MMRN2: variants seen among roughly 807,000 people sequenced by gnomAD.
MMRN2 encodes the protein multimerin-2.
A neutral mutation model predicts 68.8 loss-of-function variants in MMRN2; 53 were observed. That is an observed-to-expected ratio of 0.77 (90% CI 0.62 to 0.97). MMRN2 has a LOEUF of 0.97. Ranked by LOEUF, MMRN2 falls within the 50% of genes least tolerant of loss-of-function variation. The pLI, the probability that MMRN2 is intolerant of heterozygous loss-of-function variation, is 0.00. For synonymous variants in MMRN2, 564 were observed against 551.6 expected (o/e 1.02, Z -0.32); for missense variants, 1,266 against 1,259.5 (o/e 1.01, Z -0.08).
chr10:86,947,778 A>C (rs1844089398), intron 1 of MMRN2, among the ~76,000 whole-genome samples: 1 of 152,184 alleles, frequency 6.6e-6, no homozygotes, highest in African/African-American at 2.4e-5. Flanking sequence ...AAAGACCCAA[A>C]GCTGCTGACA....
chr10:86,947,358 G>C (rs561889557), intron 1 of MMRN2, among the ~76,000 whole-genome samples: 1 of 151,932 alleles, frequency 6.6e-6, no homozygotes, highest in Non-Finnish European at 1.5e-5. Context: ...AGGCAGGGGC[G>C]GGGGATTCGA....
chr10:86,956,028 G>T (rs540752545), intron 1 of MMRN2, among the ~76,000 whole-genome samples: 1 of 152,200 alleles, frequency 6.6e-6, no homozygotes, highest in African/African-American at 2.4e-5. Context: ...CCCGTCCACC[G>T]GGTCCTCTCA....
rs552328902 is a variant in MMRN2, at chr10:86,953,890, C to G, written c.164+3488G>C. On this transcript the variant is annotated intron_variant, in intron 1 of 6. Coordinates refer to ENST00000372027, the MANE Select transcript of MMRN2 (RefSeq NM_024756.3). ...TGGAAGTGGAAACTATGCCGCCCACCCTTCCTGCCCAGGAACTTTCTCCGC... is the reference window on the plus strand; with the variant it reads ...TGGAAGTGGAAACTATGCCGCCCACGCTTCCTGCCCAGGAACTTTCTCCGC... 1.3e-4 allele frequency: 20 copies of G among 152,444 alleles called. No homozygotes were observed. The South Asian group carries it at 4.1e-3, about 32-fold the overall frequency. 9.4% of individuals were successfully genotyped at this position (152,444 alleles called of 1,614,324 possible).
Position 86,945,285 on chromosome 10 carries a change from T to G in MMRN2, c.401-17A>C, listed in dbSNP as rs757841743. ...CCATGGAATCTGCAGAAGAAAGCAT[T>G]AGTTATTGACCCCAGTGGTCAGAGG... On this transcript the variant is annotated splice_polypyrimidine_tract_variant and intron_variant, in intron 3 of 6. Coordinates refer to ENST00000372027, the MANE Select transcript of MMRN2 (RefSeq NM_024756.3). The G allele has an allele frequency of 1.8e-5, 29 of 1,613,070 alleles. 1 individual carries two copies. The South Asian group carries it at 2.6e-4, about 15-fold the overall frequency.
intron 1 of MMRN2, among the ~76,000 whole-genome samples, chr10:86,953,064 G>C (rs562012553): frequency 1.3e-5 from 2 of 152,136 alleles, no homozygotes; most frequent in East Asian, 3.9e-4. Context: ...CCTTTTGCCC[G>C]ACCCCGCAGG....
chr10:86,945,840 TC>T, intron 1 of MMRN2, 151 bp from the exon 2 acceptor site: 1 of 1,460,322 alleles, frequency 6.8e-7, no homozygotes, highest in Non-Finnish European at 9.0e-7. Flanking sequence ...GCATTATTCA[TC>T]CCTGGGCTCC....
intron 4 of MMRN2, 40 bp downstream of exon 4, chr10:86,945,148 C>T (rs1844046530): frequency 6.3e-7 from 1 of 1,584,850 alleles, no homozygotes; most frequent in Non-Finnish European, 8.7e-7. Flanking sequence ...ACATGGGCCC[C>T]ACCAGCCTGC....
In MMRN2 at chr10:86,942,468, C is replaced by T; in HGVS notation, c.2316G>A (p.Lys772=). 1 of 1,614,144 alleles carries T rather than the reference C, an allele frequency of 6.2e-7. No homozygotes were observed. Among genetic ancestry groups the T allele is most frequent in the Non-Finnish European group, 8.5e-7 (1 of 1,180,030 alleles). Residue 772 remains lysine (K), a synonymous_variant, in exon 6 of 7, where the codon AAG becomes AAA. Coordinates refer to ENST00000372027, the MANE Select transcript of MMRN2 (RefSeq NM_024756.3). ...MEANVSLDLG[K]LQTMLSRKGK... The stretch of plus-strand genomic sequence containing the variant: ...CTTTCCTGCTCAGCATGGTCTGCAG[C>T]TTCCCCAGGTCCAGGCTGACGTTGG...
At chr10:86,956,664 CT>C (rs1455672886) in intron 1 of MMRN2, among the ~76,000 whole-genome samples, 1 of 152,198 alleles carries the variant, frequency 6.6e-6, no homozygotes, top group African/African-American at 2.4e-5. Flanking sequence ...GTAAGTGGGG[CT>C]GTTGGAGGGA....
intron 1 of MMRN2, among the ~76,000 whole-genome samples, chr10:86,956,389 G>A (rs10887682): frequency 0.47 from 71,130 of 152,078 alleles, 16,781 homozygotes; most frequent in South Asian, 0.49. Flanking sequence ...AGGCAGGTCC[G>A]CTCTGCGATG....
chr10:86,957,556 A>G lies in MMRN2; in HGVS notation c.-15T>C. The G allele has an allele frequency of 1.9e-6, 3 of 1,600,508 alleles. No individual in the cohort carries two copies. Among genetic ancestry groups the G allele is most frequent in the Non-Finnish European group, 2.6e-6 (3 of 1,173,890 alleles). On this transcript the variant is annotated 5_prime_UTR_variant, in exon 1 of 7. Coordinates refer to ENST00000372027, the MANE Select transcript of MMRN2 (RefSeq NM_024756.3). ...CTCAGGATCATCTTGGTGGTGGGGC[A>G]GGCTCAGCTCACACTCAGCCTTGGC... is the stretch of plus-strand genomic sequence containing the variant.
intron 4 of MMRN2, 86 bp downstream of exon 4, chr10:86,945,102 G>A: frequency 2.6e-6 from 3 of 1,168,480 alleles, no homozygotes; most frequent in South Asian, 2.6e-5. Flanking sequence ...CCCTGAAATG[G>A]CACTGCTGTA....
chr10:86,955,468 T>C (rs983941067), intron 1 of MMRN2, among the ~76,000 whole-genome samples: 1 of 152,184 alleles, frequency 6.6e-6, no homozygotes, highest in Admixed American at 6.5e-5. Context: ...AAGGGTCTTA[T>C]TGGGGCCTGC....
chr10:86,944,556 G>T, intron 4 of MMRN2, 121 bp from the exon 5 acceptor site: 1 of 1,127,188 alleles, frequency 8.9e-7, no homozygotes, highest in Non-Finnish European at 1.3e-6. Context: ...TGTCCTCTGA[G>T]CAGGAGCTTA....
In MMRN2 at chr10:86,943,574, T is replaced by C. The variant is rs2133679182; in HGVS notation, c.1210A>G (p.Thr404Ala). 6.2e-7 allele frequency: 1 copy of C among 1,614,136 alleles called. No homozygotes were observed. Among genetic ancestry groups the C allele is most frequent in the Non-Finnish European group, 8.5e-7 (1 of 1,180,038 alleles). ...LQYTLEDMRA[T>A]LTRHVDEIKE... Reference sequence around the variant, plus strand: ...ATCTCATCCACGTGCCGGGTCAGGGTGGCCCTCATGTCCTCCAGGGTGTAC... The same window carrying C: ...ATCTCATCCACGTGCCGGGTCAGGGCGGCCCTCATGTCCTCCAGGGTGTAC... The change falls in exon 6 of 7, where the codon ACC (threonine) becomes GCC (alanine). Residue 404 changes from threonine (T) to alanine (A), a missense_variant. Transcript: ENST00000372027. The surrounding 1 kb of genome is among the most constrained non-coding windows in gnomAD (Gnocchi z 4.2).
At chr10:86,956,661 G>A (rs1194486912) in intron 1 of MMRN2, among the ~76,000 whole-genome samples, 1 of 152,218 alleles carries the variant, frequency 6.6e-6, no homozygotes, top group Non-Finnish European at 1.5e-5. Flanking sequence ...TCTGTAAGTG[G>A]GGCTGTTGGA....
intron 6 of MMRN2, among the ~76,000 whole-genome samples, chr10:86,941,003 G>A (rs1001156048): frequency 4.6e-5 from 7 of 152,206 alleles, no homozygotes; most frequent in East Asian, 1.9e-4. Context: ...GTGAAGAACC[G>A]GCACCCTAAA....
rs1844007734 is a variant in MMRN2, at chr10:86,943,344, A to T, written c.1440T>A (p.Gly480=). The T allele has an allele frequency of 6.2e-6, 10 of 1,613,882 alleles. No individual in the cohort carries two copies. Among genetic ancestry groups the T allele is most frequent in the Non-Finnish European group, 7.6e-6 (9 of 1,180,008 alleles). The change falls in exon 6 of 7, where the codon GGT becomes GGA. Residue 480 remains glycine (G), a synonymous_variant. Coordinates refer to ENST00000372027, the MANE Select transcript of MMRN2 (RefSeq NM_024756.3). The surrounding 1 kb of genome is among the most constrained non-coding windows in gnomAD (Gnocchi z 4.2). ...CGTACTTGATGAGGTCGGCATGGCC[A>T]CCCTGCAGGTGCTGCAGCGTGAGGT... is the stretch of plus-strand genomic sequence containing the variant. ...ELNLTLQHLQ[G]GHADLIKYVK... is the part of the protein sequence containing the mutation.
intron 1 of MMRN2, among the ~76,000 whole-genome samples, chr10:86,946,592 G>T (rs1000359594): frequency 2.0e-5 from 3 of 152,292 alleles, no homozygotes; most frequent in Admixed American, 1.3e-4. Context: ...GGAGCGGGGG[G>T]ACACTCATGC....
Sources: gnomAD v4.1 joint callset for allele counts (sites outside exome capture counted in the v4.1 genomes callset) on GRCh38, gnomAD v4.1.1 for gene constraint, Gnocchi (gnomAD v3.1) non-coding constraint, MANE v1.5 for transcripts, NCBI Gene and HGNC (gene_info 2026-07-23, HGNC 2026-07-21) for gene names.